The following PATJ variants were observed in gnomAD, a reference collection of about 807,000 sequenced individuals.
PATJ encodes the protein inaD-like protein.
Under a neutral mutation model 224.9 loss-of-function variants are expected in PATJ, and 190 were observed. The ratio of observed to expected loss-of-function variants is 0.84; its 90% CI spans 0.75 to 0.95. The LOEUF is 0.95. Ranked by LOEUF, PATJ falls within the 40% of genes least tolerant of loss-of-function variation. The pLI, the probability that PATJ is intolerant of heterozygous loss-of-function variation, is 0.00. For missense variants in PATJ, 2,121 were observed against 2,270.3 expected (o/e 0.93, Z 1.34); for synonymous variants, 769 against 820.3 (o/e 0.94, Z 1.07).
intron 22 of PATJ, among the ~76,000 whole-genome samples, chr1:61,885,627 C>T (rs1668711720): frequency 2.0e-5 from 3 of 152,124 alleles, no homozygotes; most frequent in African/African-American, 4.8e-5. Context: ...GGCGATTCCT[C>T]AGGGATCTAG....
In PATJ at chr1:62,038,873, A is replaced by C. The variant is rs1650947393; in HGVS notation, c.4032+824A>C. ...GCGACCTTGGAGCAGCGCATAGAAGATACAATGAAGAATCCCTCCATTGTT... is the reference window on the plus strand; with the variant it reads ...GCGACCTTGGAGCAGCGCATAGAAGCTACAATGAAGAATCCCTCCATTGTT... On this transcript the variant is annotated intron_variant, in intron 30 of 43. Coordinates refer to ENST00000642238, the MANE Select transcript of PATJ (RefSeq NM_001350145.3). The C allele has an allele frequency of 1.8e-5, 14 of 794,344 alleles. No individual in the cohort carries two copies. The South Asian group carries it at 1.9e-4, about 11-fold the overall frequency. The allele number at this position is 794,344 out of a possible 1,614,324, so 49.2% of individuals were successfully genotyped here. A position where few individuals can be genotyped will look rare whatever the true frequency, so the allele number is the denominator to read the frequency against.
chr1:61,849,318 A>G (rs1404732231), intron 17 of PATJ, among the ~76,000 whole-genome samples: 1 of 152,218 alleles, frequency 6.6e-6, no homozygotes, highest in Non-Finnish European at 1.5e-5. Context: ...AAATTAGGTC[A>G]GGCATAGTGG....
intron 42 of PATJ, among the ~76,000 whole-genome samples, chr1:62,152,745 G>A (rs1438926759): frequency 2.0e-5 from 3 of 152,286 alleles, no homozygotes; most frequent in Admixed American, 2.0e-4. Flanking sequence ...GTGAAGACTG[G>A]CAGTCTCCCA....
intron 17 of PATJ, among the ~76,000 whole-genome samples, chr1:61,851,440 A>G (rs1445522389): frequency 6.6e-6 from 1 of 152,148 alleles, no homozygotes; most frequent in Non-Finnish European, 1.5e-5. Flanking sequence ...GATGGTTTGC[A>G]TTAAGCCACG....
intron 26 of PATJ, 38 bp downstream of exon 26, chr1:61,914,702 GTTTTGTTTTTGT>G (rs766412662): frequency 7.3e-7 from 1 of 1,369,928 alleles, no homozygotes; most frequent in South Asian, 1.2e-5. Flanking sequence ...AAATGTTTTT[GTTTTGTTTTTGT>G]TTTTGTTTTC....
chr1:61,988,147 C>A lies in PATJ; in HGVS notation c.3671-2021C>A, dbSNP rs879348449. 4.6e-5 allele frequency among the ~76,000 whole-genome samples: 7 copies of A among 152,220 alleles called. No individual in the cohort carries two copies. The East Asian group carries it at 1.4e-3, about 29-fold the overall frequency. ...CTGGGAGGTGGAGGTTGCCCTGACCCAAGATCGCACCACTGCACTCCAGCC... is the reference window on the plus strand; with the variant it reads ...CTGGGAGGTGGAGGTTGCCCTGACCAAAGATCGCACCACTGCACTCCAGCC... On this transcript the variant is annotated intron_variant, in intron 27 of 43. Transcript: ENST00000642238.
intron 18 of PATJ, among the ~76,000 whole-genome samples, chr1:61,856,561 CT>C (rs1206866121): frequency 6.6e-5 from 10 of 152,142 alleles, no homozygotes; most frequent in African/African-American, 2.4e-4. Flanking sequence ...GACTTCTAAG[CT>C]CTCAGCACAT....
chr1:62,001,511 G>A (rs1338644341), intron 28 of PATJ, among the ~76,000 whole-genome samples: 2 of 150,144 alleles, frequency 1.3e-5, no homozygotes, highest in Non-Finnish European at 3.0e-5. Flanking sequence ...GATATGCGGC[G>A]TTATTTCTGA....
In PATJ at chr1:62,026,923, G is replaced by A. The variant is rs1300038055; in HGVS notation, c.3959+8976G>A. On this transcript the variant is annotated intron_variant, in intron 29 of 43. Transcript: ENST00000642238. ...AGATATTTCTATTTCCGTGTTCATA[G>A]CAACATTATTTGCTGTAGCCAAAAG... Among the ~76,000 whole-genome samples the A allele has an allele frequency of 2.6e-5, 4 of 152,242 alleles. No individual in the cohort carries two copies. The East Asian group carries it at 7.7e-4, about 29-fold the overall frequency.
intron 15 of PATJ, among the ~76,000 whole-genome samples, chr1:61,824,247 T>C (rs75646213): frequency 2.0e-4 from 27 of 134,248 alleles, no homozygotes; most frequent in African/African-American, 6.2e-4. Flanking sequence ...TTTTTTTTTT[T>C]CGAGACGGGG....
At chr1:62,095,650 A>T (rs1422396695) in intron 33 of PATJ, among the ~76,000 whole-genome samples, 1 of 152,154 alleles carries the variant, frequency 6.6e-6, no homozygotes, top group Non-Finnish European at 1.5e-5. Flanking sequence ...ATTTGTCTGC[A>T]TTTCTGCCTT....
At chr1:62,006,863 G>A (rs1054771488) in intron 28 of PATJ, among the ~76,000 whole-genome samples, 5 of 152,146 alleles carry the variant, frequency 3.3e-5, no homozygotes, top group Non-Finnish European at 5.9e-5. Flanking sequence ...TTGTATGAAG[G>A]TCATAAAGTG....
At position 61,827,616 on chromosome 1, in the gene PATJ, C is replaced by T. The variant is rs12093825; in HGVS notation, c.1980+33C>T. On this transcript the variant is annotated intron_variant, in intron 16 of 43. Transcript: ENST00000642238. ...ATGAATATAGTGCATTTCCCATAGG[C>T]ATGCCCATTCATCAAAGATGCCCCG... is the stretch of plus-strand genomic sequence containing the variant. 3.7e-3 allele frequency: 5,864 copies of T among 1,585,254 alleles called. 183 individuals carry two copies. In the African/African-American group the frequency reaches 0.068, roughly 18 times the overall value.
intron 25 of PATJ, among the ~76,000 whole-genome samples, chr1:61,911,200 T>G (rs1387625152): frequency 3.3e-5 from 5 of 152,186 alleles, no homozygotes; most frequent in Admixed American, 1.3e-4. Flanking sequence ...TTGGGTTTTT[T>G]TTGTTGTTGT....
intron 20 of PATJ, among the ~76,000 whole-genome samples, chr1:61,866,861 AT>A (rs1367668808): frequency 6.6e-6 from 1 of 152,190 alleles, no homozygotes. Flanking sequence ...GCCCATTTTT[AT>A]AGTTATTTTT....
At chr1:61,998,478 C>T (rs1645552112) in intron 28 of PATJ, among the ~76,000 whole-genome samples, 1 of 152,180 alleles carries the variant, frequency 6.6e-6, no homozygotes, top group Non-Finnish European at 1.5e-5. Flanking sequence ...CTTCCCACCT[C>T]AACCTCCCAA....
Position 61,796,658 on chromosome 1 carries a change from TTTTCTTTCTTTCTTTCTTTCTTTC to T in PATJ, c.1261-585_1261-562del, listed in dbSNP as rs202216894. Among the ~76,000 whole-genome samples the T allele has an allele frequency of 9.6e-5, 10 of 103,774 alleles. 1 individual carries two copies. Among genetic ancestry groups the T allele is most frequent in the African/African-American group, 1.3e-4 (4 of 30,992 alleles). The allele number at this position is 103,774 out of a possible 152,430, so 68.1% of individuals were successfully genotyped here. On this transcript the variant is annotated intron_variant, in intron 10 of 43. Coordinates refer to ENST00000642238, the MANE Select transcript of PATJ (RefSeq NM_001350145.3). ...AAATATATCCTAAGGTCTAAATTTA[TTTTCTTTCTTTCTTTCTTTCTTTC>T]TTTCTTTCTTTCTTTCTTTCTTTCT...
At chr1:62,004,932 T>G (rs1483594455) in intron 28 of PATJ, among the ~76,000 whole-genome samples, 1 of 152,202 alleles carries the variant, frequency 6.6e-6, no homozygotes, top group Non-Finnish European at 1.5e-5. Context: ...TTTGTTATTT[T>G]CTTCACTCTG....
intron 33 of PATJ, among the ~76,000 whole-genome samples, chr1:62,100,092 T>C (rs953657252): frequency 4.0e-5 from 6 of 149,790 alleles, no homozygotes; most frequent in Non-Finnish European, 9.0e-5. Flanking sequence ...TGGGGCTCAG[T>C]GATAATTAAG....
Sources: gnomAD v4.1 joint callset for allele counts (sites outside exome capture counted in the v4.1 genomes callset) on GRCh38, gnomAD v4.1.1 for gene constraint, MANE v1.5 for transcripts, NCBI Gene and HGNC (gene_info 2026-07-23, HGNC 2026-07-21) for gene names.